The following FREM1 variants were observed in gnomAD, a reference collection of about 807,000 sequenced individuals.
The protein encoded by FREM1 is FRAS1-related extracellular matrix protein 1.
FREM1 carries 220 observed loss-of-function variants against 210.1 expected under a neutral mutation model. That is an observed-to-expected ratio of 1.05 (90% CI 0.94 to 1.17). The LOEUF (loss-of-function observed/expected upper bound fraction) is 1.17. Ranked by LOEUF, FREM1 falls within the 50% of genes most tolerant of loss-of-function variation. The pLI, the probability that FREM1 is intolerant of heterozygous loss-of-function variation, is 0.00. For synonymous variants in FREM1, 1,189 were observed against 980.2 expected (o/e 1.21, Z -3.98); for missense variants, 3,454 against 2,675.5 (o/e 1.29, Z -6.42).
intron 21 of FREM1, among the ~76,000 whole-genome samples, chr9:14,793,416 G>A (rs1042829855): frequency 6.6e-6 from 1 of 152,176 alleles, no homozygotes; most frequent in Admixed American, 6.5e-5. Flanking sequence ...TGGGTAGTAT[G>A]TGTTCTTGTT....
chr9:14,893,790 T>C (rs1837262976), intron 1 of FREM1, among the ~76,000 whole-genome samples: 1 of 150,984 alleles, frequency 6.6e-6, no homozygotes, highest in South Asian at 2.1e-4. Flanking sequence ...GTTAAAGGGT[T>C]GTTTTAAGTT....
At position 14,810,790 on chromosome 9, in the gene FREM1, T is replaced by C. The variant is rs542854353; in HGVS notation, c.2893+2022A>G. Among the ~76,000 whole-genome samples, 7 of 152,318 alleles carry C rather than the reference T, an allele frequency of 4.6e-5. No individual in the cohort carries two copies. In the East Asian group the frequency reaches 1.2e-3, roughly 25 times the overall value. ...CATAATTGCAACTATGTTAAAATTA[T>C]GGCCAGAATAAAGAGAATAAAATAC... On this transcript the variant is annotated intron_variant, in intron 16 of 36. Transcript: ENST00000380880.
In FREM1 at chr9:14,854,655, T is replaced by A. The variant is rs115148123; in HGVS notation, c.828+2898A>T. 5.0e-3 allele frequency among the ~76,000 whole-genome samples: 767 copies of A among 152,198 alleles called. 4 individuals carry two copies. Among genetic ancestry groups the A allele is most frequent in the African/African-American group, 0.018 (742 of 41,568 alleles). On this transcript the variant is annotated intron_variant, in intron 5 of 36. Transcript: ENST00000380880. ...AAATTATCATCACTAGTGAAAGATA[T>A]AATTATGGTCTTTAAAAGCCCAAAG...
At chr9:14,907,051 T>G (rs971638234) in intron 1 of FREM1, among the ~76,000 whole-genome samples, 2 of 152,228 alleles carry the variant, frequency 1.3e-5, no homozygotes, top group African/African-American at 2.4e-5. Context: ...TAGGCAGGTT[T>G]AAGGGAGAAA....
At chr9:14,865,661 C>G (rs1297861872) in intron 2 of FREM1, among the ~76,000 whole-genome samples, 2 of 144,516 alleles carry the variant, frequency 1.4e-5, no homozygotes, top group African/African-American at 2.6e-5. Context: ...AATGTTTAGG[C>G]TGTGTGTGTG....
chr9:14,859,795 AATT>A (rs1829469973), intron 3 of FREM1, among the ~76,000 whole-genome samples: 1 of 152,182 alleles, frequency 6.6e-6, no homozygotes, highest in Non-Finnish European at 1.5e-5. Flanking sequence ...GCACATGTGT[AATT>A]TAAGAGTCTC....
Position 14,788,999 on chromosome 9 carries a change from C to T in FREM1, c.4097G>A (p.Ser1366Asn), listed in dbSNP as rs746993708. 1.9e-6 allele frequency: 3 copies of T among 1,612,764 alleles called. No homozygotes were observed. Among genetic ancestry groups the T allele is most frequent in the South Asian group, 2.2e-5 (2 of 90,666 alleles). The change falls in exon 23 of 37, where the codon AGC becomes AAC. Residue 1366 changes from serine (S) to asparagine (N), a missense_variant. Coordinates refer to ENST00000380880, the MANE Select transcript of FREM1 (RefSeq NM_001379081.2). ...GCCATCCCAAAGGTAGAAGGTGAAGCTATCTTGATTCTGGGAATCCATTGC... is the reference window on the plus strand; with the variant it reads ...GCCATCCCAAAGGTAGAAGGTGAAGTTATCTTGATTCTGGGAATCCATTGC... Reference protein sequence around the residue: ...TGAMDSQNQDSFTFYLWDGNN... With the variant: ...TGAMDSQNQDNFTFYLWDGNN...
At chr9:14,881,439 C>T (rs1108622) in intron 1 of FREM1, among the ~76,000 whole-genome samples, 27,603 of 152,118 alleles carry the variant, frequency 0.18, 3,030 homozygotes, top group East Asian at 0.57. Flanking sequence ...CCATATTTTA[C>T]AAATTTGTGT....
At chr9:14,862,338 G>A (rs1363041828) in intron 3 of FREM1, among the ~76,000 whole-genome samples, 1 of 152,092 alleles carries the variant, frequency 6.6e-6, no homozygotes. Context: ...TTAGTCTAAT[G>A]CTTAAAGGAA....
intron 27 of FREM1, among the ~76,000 whole-genome samples, chr9:14,765,998 A>G (rs930245595): frequency 1.3e-5 from 2 of 152,100 alleles, no homozygotes; most frequent in African/African-American, 4.8e-5. Context: ...GCTTCTGCGG[A>G]TCATCTTGGA....
rs528006057 is a variant in FREM1 at position 14,908,134 on chromosome 9, C to T, written c.-268+1780G>A. On this transcript the variant is annotated intron_variant, in intron 1 of 36. Coordinates refer to ENST00000380880, the MANE Select transcript of FREM1 (RefSeq NM_001379081.2). Reference sequence around the variant, plus strand: ...TTTTCTTTTTAATATAAATATTAAACGCCAGAAAATGCAAGGATGGGGATG... The same window carrying T: ...TTTTCTTTTTAATATAAATATTAAATGCCAGAAAATGCAAGGATGGGGATG... Among the ~76,000 whole-genome samples the T allele has an allele frequency of 1.4e-4, 21 of 152,214 alleles. No homozygotes were observed. The East Asian group carries it at 1.5e-3, about 11-fold the overall frequency.
In FREM1 at chr9:14,887,632, AT is replaced by A. The variant is rs539118379; in HGVS notation, c.-267-18389del. 3.7e-3 allele frequency among the ~76,000 whole-genome samples: 554 copies of A among 151,718 alleles called. 5 individuals are homozygous for A. The highest frequency in any genetic ancestry group is 0.013 in the African/African-American group (532 of 41,370). The stretch of plus-strand genomic sequence containing the variant: ...TGAGAAAGAGCCTGTGACTTCTAAG[AT>A]TTTTTTTTCTTTAATAAACAATTTT... On this transcript the variant is annotated intron_variant, in intron 1 of 36. Coordinates refer to ENST00000380880, the MANE Select transcript of FREM1 (RefSeq NM_001379081.2).
intron 25 of FREM1, chr9:14,774,250 G>C: frequency 2.1e-6 from 1 of 480,202 alleles, no homozygotes; most frequent in Non-Finnish European, 4.1e-6. Flanking sequence ...TATTAGATGG[G>C]ATTACGTTTA....
intron 21 of FREM1, among the ~76,000 whole-genome samples, chr9:14,795,442 T>A (rs886243421): frequency 1.3e-5 from 2 of 152,120 alleles, no homozygotes; most frequent in African/African-American, 4.8e-5. Context: ...AGGGAGAGAC[T>A]GAAGATACTG....
At chr9:14,793,918 G>C (rs143682068) in intron 21 of FREM1, among the ~76,000 whole-genome samples, 1 of 152,198 alleles carries the variant, frequency 6.6e-6, no homozygotes, top group Non-Finnish European at 1.5e-5. Flanking sequence ...CTTTACTAGA[G>C]AATGGGAATC....
intron 10 of FREM1, among the ~76,000 whole-genome samples, chr9:14,834,058 T>C (rs541886544): frequency 1.3e-5 from 2 of 152,334 alleles, no homozygotes; most frequent in African/African-American, 4.8e-5. Context: ...GTTTTGAGTT[T>C]TGGGAGTATC....
At chr9:14,908,101 A>G (rs911657917) in intron 1 of FREM1, among the ~76,000 whole-genome samples, 2 of 152,332 alleles carry the variant, frequency 1.3e-5, no homozygotes, top group East Asian at 3.9e-4. Flanking sequence ...TCTGATGGCC[A>G]TGTCCAGTTT....
Position 14,812,965 on chromosome 9 carries a change from T to A in FREM1, c.2740A>T (p.Ile914Phe). The change falls in exon 16 of 37, where the codon ATT (isoleucine) becomes TTT (phenylalanine). Residue 914 changes from isoleucine to phenylalanine, a missense_variant. Physicochemically the swap from Ile to Phe is conservative, Grantham distance 21 (BLOSUM62 0). Coordinates refer to ENST00000380880, the MANE Select transcript of FREM1 (RefSeq NM_001379081.2). Reference protein sequence around the residue: ...GGEVVITSEYIFATDVDSDNL... With the variant: ...GGEVVITSEYFFATDVDSDNL... ...TCGCTGTCCACATCAGTAGCAAAAA[T>A]GTATTCAGAGGTGATGACCACCTCT... The A allele has an allele frequency of 4.3e-6, 7 of 1,613,924 alleles. No individual in the cohort carries two copies. Among genetic ancestry groups the A allele is most frequent in the African/African-American group, 1.3e-5 (1 of 75,034 alleles).
Position 14,770,598 on chromosome 9 carries a change from C to CCAGT in FREM1, c.5059+3_5059+6dup. 8 of 1,603,554 alleles carry CCAGT rather than the reference C, an allele frequency of 5.0e-6. No homozygotes were observed. Among genetic ancestry groups the CCAGT allele is most frequent in the Non-Finnish European group, 6.8e-6 (8 of 1,171,160 alleles). On this transcript the variant is annotated splice_region_variant and intron_variant, in intron 26 of 36. Transcript: ENST00000380880. Reference sequence around the variant, plus strand: ...ATGGCAATTGTAAGGATTAAGGAGGCCAGTACCTGTTGTTGTGTTCTCCAG... The same window carrying CCAGT: ...ATGGCAATTGTAAGGATTAAGGAGGCCAGTCAGTACCTGTTGTTGTGTTCTCCAG...
Sources: gnomAD v4.1 joint callset for allele counts (sites outside exome capture counted in the v4.1 genomes callset) on GRCh38, gnomAD v4.1.1 for gene constraint, MANE v1.5 for transcripts, NCBI Gene and HGNC (gene_info 2026-07-23, HGNC 2026-07-21) for gene names.